GPATCH8: variants seen among roughly 807,000 people sequenced by gnomAD.
GPATCH8 encodes the protein G-patch domain containing 8, also known as G patch domain-containing protein 8.
Under a neutral mutation model 118.3 loss-of-function variants are expected in GPATCH8, and 18 were observed. That is an observed-to-expected ratio of 0.15 (90% CI 0.11 to 0.23). The LOEUF is 0.23. Ranked by LOEUF, GPATCH8 falls within the 10% of genes least tolerant of loss-of-function variation. The pLI is 1.00. For synonymous variants in GPATCH8, 659 were observed against 684.7 expected (o/e 0.96, Z 0.59); for missense variants, 1,631 against 1,873.8 (o/e 0.87, Z 2.39).
Position 44,399,551 on chromosome 17 carries a change from C to T in GPATCH8, c.2526G>A (p.Glu842=). The T allele has an allele frequency of 1.2e-6, 2 of 1,614,184 alleles. No homozygotes were observed. Among genetic ancestry groups the T allele is most frequent in the Non-Finnish European group, 1.7e-6 (2 of 1,180,016 alleles). ...SPSQYSEEEE[E]EDSGSEHSRS... ...GGGAATGCTCACTGCCTGAATCTTC[C>T]TCTTCTTCTTCCTCACTGTACTGGG... Residue 842 remains glutamate, a synonymous_variant, in exon 8 of 8, where the codon GAG becomes GAA. Coordinates refer to ENST00000591680, the MANE Select transcript of GPATCH8 (RefSeq NM_001002909.4).
intron 1 of GPATCH8, among the ~76,000 whole-genome samples, chr17:44,483,188 T>A (rs1479097724): frequency 0.022 from 729 of 33,080 alleles, 39 homozygotes; most frequent in Non-Finnish European, 0.026. Flanking sequence ...TATATATATA[T>A]ATATATATAT....
intron 6 of GPATCH8, among the ~76,000 whole-genome samples, chr17:44,415,721 G>C (rs941462171): frequency 5.9e-5 from 9 of 152,126 alleles, no homozygotes; most frequent in Non-Finnish European, 8.8e-5. Flanking sequence ...TAACTTTTCT[G>C]ACTACAATAG....
At chr17:44,446,507 G>A (rs1403116301) in intron 3 of GPATCH8, among the ~76,000 whole-genome samples, 3 of 152,140 alleles carry the variant, frequency 2.0e-5, no homozygotes, top group Non-Finnish European at 4.4e-5. Flanking sequence ...GGAGCTTGCA[G>A]TGAAGCCGAG....
chr17:44,448,335 A>G (rs2144148116), intron 3 of GPATCH8, among the ~76,000 whole-genome samples: 1 of 152,152 alleles, frequency 6.6e-6, no homozygotes, highest in South Asian at 2.1e-4. Context: ...AGGCAGGATG[A>G]CAGCTTGAGC....
At chr17:44,459,098 A>G (rs898697236) in intron 3 of GPATCH8, among the ~76,000 whole-genome samples, 7 of 152,184 alleles carry the variant, frequency 4.6e-5, no homozygotes, top group African/African-American at 1.7e-4. Context: ...ATTTTTCAGA[A>G]GTTAGACTCA....
chr17:44,451,199 T>G (rs1392430381), intron 3 of GPATCH8, among the ~76,000 whole-genome samples: 1 of 152,196 alleles, frequency 6.6e-6, no homozygotes, highest in African/African-American at 2.4e-5. Flanking sequence ...GTTCAAGCTA[T>G]TCTCATGCCT....
intron 3 of GPATCH8, among the ~76,000 whole-genome samples, chr17:44,442,784 CAATT>C (rs1299789965): frequency 6.6e-6 from 1 of 151,458 alleles, no homozygotes; most frequent in African/African-American, 2.4e-5. Flanking sequence ...TTTCAAAAGA[CAATT>C]AAAACTGGGC....
At chr17:44,459,927 C>T (rs1241322794) in intron 3 of GPATCH8, among the ~76,000 whole-genome samples, 1 of 152,132 alleles carries the variant, frequency 6.6e-6, no homozygotes, top group African/African-American at 2.4e-5. Context: ...TAATATCAGA[C>T]CCCATTCATT....
At chr17:44,492,069 G>A (rs1969287283) in intron 1 of GPATCH8, among the ~76,000 whole-genome samples, 1 of 152,072 alleles carries the variant, frequency 6.6e-6, no homozygotes. Flanking sequence ...GGAGGCTGAG[G>A]TGGGTGGATC....
At position 44,503,241 on chromosome 17, in the gene GPATCH8, G is replaced by A. The variant is rs533160588; in HGVS notation, c.45+85C>T. On this transcript the variant is annotated intron_variant, in intron 1 of 7. Coordinates refer to ENST00000591680, the MANE Select transcript of GPATCH8 (RefSeq NM_001002909.4). ...TTCGCAAGTCGGAGCAAAACTGGAAGGAAAGAGGGCTGGGAGCCGGAGATG... is the reference window on the plus strand; with the variant it reads ...TTCGCAAGTCGGAGCAAAACTGGAAAGAAAGAGGGCTGGGAGCCGGAGATG... The A allele has an allele frequency of 3.9e-4, 495 of 1,260,332 alleles. 1 individual carries two copies. Among genetic ancestry groups the A allele is most frequent in the Non-Finnish European group, 4.5e-4 (395 of 880,114 alleles). 78.1% of individuals were successfully genotyped at this position (1,260,332 alleles called of 1,614,324 possible). A position where few individuals can be genotyped will look rare whatever the true frequency, so the allele number is the denominator to read the frequency against.
At chr17:44,455,311 G>A (rs536507412) in intron 3 of GPATCH8, among the ~76,000 whole-genome samples, 2 of 152,170 alleles carry the variant, frequency 1.3e-5, no homozygotes, top group Admixed American at 1.3e-4. Context: ...AGACCAGCCT[G>A]ACCAACATGG....
chr17:44,407,966 G>C (rs147035694), intron 6 of GPATCH8, among the ~76,000 whole-genome samples: 3 of 151,896 alleles, frequency 2.0e-5, no homozygotes, highest in Non-Finnish European at 2.9e-5. Flanking sequence ...CCACAATTAA[G>C]ATTTTTATAA....
Position 44,395,826 on chromosome 17 carries a change from A to G in GPATCH8, c.*1742T>C, listed in dbSNP as rs1246680537. 2.4e-5 allele frequency: 11 copies of G among 454,030 alleles called. No individual in the cohort carries two copies. In the East Asian group the frequency reaches 6.9e-4, roughly 29 times the overall value. The allele number at this position is 454,030 out of a possible 1,614,324, so 28.1% of individuals were successfully genotyped here. On this transcript the variant is annotated 3_prime_UTR_variant, in exon 8 of 8. Coordinates refer to ENST00000591680, the MANE Select transcript of GPATCH8 (RefSeq NM_001002909.4). Reference sequence around the variant, plus strand: ...CCACACGAATAGTTAGGAAAATGCCAAAGTGGGAATTGTTAACCTCATCAA... The same window carrying G: ...CCACACGAATAGTTAGGAAAATGCCGAAGTGGGAATTGTTAACCTCATCAA...
chr17:44,492,102 C>A (rs549151203), intron 1 of GPATCH8, among the ~76,000 whole-genome samples: 1 of 151,898 alleles, frequency 6.6e-6, no homozygotes, highest in African/African-American at 2.4e-5. Context: ...GAGTTCAAGA[C>A]CAGCCTGGCC....
Position 44,461,493 on chromosome 17 carries a change from G to A in GPATCH8, c.193+2979C>T, listed in dbSNP as rs538419964. On this transcript the variant is annotated intron_variant, in intron 3 of 7. Coordinates refer to ENST00000591680, the MANE Select transcript of GPATCH8 (RefSeq NM_001002909.4). ...GCCACTGCACCCGGCTATGTTATCCGTTTTTTAACAATTAAAAAGAAAAAA... is the reference window on the plus strand; with the variant it reads ...GCCACTGCACCCGGCTATGTTATCCATTTTTTAACAATTAAAAAGAAAAAA... Among the ~76,000 whole-genome samples the A allele has an allele frequency of 5.3e-5, 8 of 151,788 alleles. No individual in the cohort carries two copies. The East Asian group carries it at 1.2e-3, about 22-fold the overall frequency.
Position 44,401,108 on chromosome 17 carries a change from C to A in GPATCH8, c.969G>T (p.Ala323=). ...ESIASVFKDH[A]EEGTSEDGTK... Reference sequence around the variant, plus strand: ...TTCCATCTTCAGAGGTCCCTTCCTCCGCATGGTCCTTGAAAACTGATGCTA... The same window carrying A: ...TTCCATCTTCAGAGGTCCCTTCCTCAGCATGGTCCTTGAAAACTGATGCTA... Residue 323 remains alanine (A), a synonymous_variant, in exon 8 of 8, where the codon GCG becomes GCT. Coordinates refer to ENST00000591680, the MANE Select transcript of GPATCH8 (RefSeq NM_001002909.4). The A allele has an allele frequency of 6.2e-7, 1 of 1,614,102 alleles. No individual in the cohort carries two copies. The highest frequency in any genetic ancestry group is 8.5e-7 in the Non-Finnish European group (1 of 1,179,948).
At chr17:44,457,384 T>C (rs901282116) in intron 3 of GPATCH8, among the ~76,000 whole-genome samples, 5 of 152,230 alleles carry the variant, frequency 3.3e-5, no homozygotes, top group Admixed American at 1.3e-4. Flanking sequence ...TTTTGGCTAA[T>C]GATTTTATAA....
intron 3 of GPATCH8, among the ~76,000 whole-genome samples, chr17:44,438,124 G>A (rs1299848182): frequency 6.6e-6 from 1 of 152,148 alleles, no homozygotes; most frequent in African/African-American, 2.4e-5. Flanking sequence ...TTATAAAAAT[G>A]ACTTCCTAGG....
chr17:44,409,888 C>T (rs2049369588), intron 6 of GPATCH8, among the ~76,000 whole-genome samples: 1 of 152,166 alleles, frequency 6.6e-6, no homozygotes, highest in South Asian at 2.1e-4. Flanking sequence ...GGTAAATGTC[C>T]AGTGAATAAT....
Sources: allele counts gnomAD v4.1 joint callset (sites outside exome capture counted in the v4.1 genomes callset), GRCh38; gene constraint gnomAD v4.1.1; transcripts MANE v1.5; gene names NCBI Gene and HGNC (gene_info 2026-07-23, HGNC 2026-07-21).